ABHD14A: variants seen among roughly 807,000 people sequenced by gnomAD.
ABHD14A encodes protein ABHD14A.
ABHD14A carries 19 observed loss-of-function variants against 27.0 expected under a neutral mutation model. The ratio of observed to expected loss-of-function variants is 0.70; its 90% CI spans 0.49 to 1.03. The LOEUF (loss-of-function observed/expected upper bound fraction) is 1.03. ABHD14A is among the 50% of genes least tolerant of loss of function. ABHD14A has a pLI of 0.00. For synonymous variants in ABHD14A, 148 were observed against 158.8 expected (o/e 0.93, Z 0.51); for missense variants, 311 against 344.6 (o/e 0.90, Z 0.77).
At chr3:51,979,454 GTTTT>G (rs1013771288) in intron 3 of ABHD14A, among the ~76,000 whole-genome samples, 43 of 136,688 alleles carry the variant, frequency 3.1e-4, no homozygotes, top group Non-Finnish European at 6.1e-4. Flanking sequence ...GTTGTGTTTT[GTTTT>G]TTTTTTGTTT....
At chr3:51,975,239 C>T in intron 1 of ABHD14A, 35 bp downstream of exon 1, 1 of 1,248,268 alleles carries the variant, frequency 8.0e-7, no homozygotes, top group African/African-American at 1.6e-5. Context: ...CGGCCGGTGG[C>T]CCAGGGGAGG....
At chr3:51,975,288 C>T in intron 1 of ABHD14A, 84 bp downstream of exon 1, 2 of 1,191,850 alleles carry the variant, frequency 1.7e-6, no homozygotes, top group Non-Finnish European at 2.1e-6. Context: ...CGCCCCGGGG[C>T]AGAGTCCCGC....
intron 3 of ABHD14A, 77 bp from the exon 4 acceptor site, chr3:51,980,316 T>C: frequency 6.4e-6 from 9 of 1,409,708 alleles, no homozygotes; most frequent in Non-Finnish European, 8.0e-6. Flanking sequence ...TCCCCAACTT[T>C]TTCCCCCACT....
At chr3:51,976,731 G>A (rs970984121) in intron 1 of ABHD14A, among the ~76,000 whole-genome samples, 4 of 152,134 alleles carry the variant, frequency 2.6e-5, no homozygotes, top group Admixed American at 6.5e-5. Context: ...GGAAGCAGGC[G>A]TGCTCATCCT....
In ABHD14A at chr3:51,975,597, G is replaced by A. The variant is rs763654442; in HGVS notation, c.69+393G>A. Among the ~76,000 whole-genome samples the A allele has an allele frequency of 6.9e-4, 104 of 151,820 alleles. 1 individual carries two copies. The highest frequency in any genetic ancestry group is 3.9e-4 in the East Asian group (2 of 5,178). ...TTTCTGGGGGTTTGTGTGTGTGTGC[G>A]TGTCTGCTTTCCTGTGCATGTGCCT... On this transcript the variant is annotated intron_variant, in intron 1 of 4. Coordinates refer to ENST00000273596, the MANE Select transcript of ABHD14A (RefSeq NM_015407.5).
At chr3:51,975,320 C>G (rs1024843773) in intron 1 of ABHD14A, 116 bp downstream of exon 1, 95 of 997,734 alleles carry the variant, frequency 9.5e-5, no homozygotes, top group Non-Finnish European at 1.2e-4. Context: ...ACGCTGGGGC[C>G]GCGAATGTGC....
rs763160908 is a variant in ABHD14A, at chr3:51,981,020, C to G, written c.*2C>G. On this transcript the variant is annotated 3_prime_UTR_variant, in exon 5 of 5. Coordinates refer to ENST00000273596, the MANE Select transcript of ABHD14A (RefSeq NM_015407.5). Reference sequence around the variant, plus strand: ...GCCTTCCTTGACCATCTACCTTGAACTAACCCACTCCCAGCTCCCAGCCTG... The same window carrying G: ...GCCTTCCTTGACCATCTACCTTGAAGTAACCCACTCCCAGCTCCCAGCCTG... 3.7e-6 allele frequency: 6 copies of G among 1,603,548 alleles called. No homozygotes were observed. Among genetic ancestry groups the G allele is most frequent in the Non-Finnish European group, 5.1e-6 (6 of 1,171,072 alleles).
intron 1 of ABHD14A, among the ~76,000 whole-genome samples, 158 bp from the exon 2 acceptor site, chr3:51,977,713 T>A (rs570983985): frequency 6.6e-6 from 1 of 152,376 alleles, no homozygotes; most frequent in Non-Finnish European, 1.5e-5. Context: ...TGTGGAGTAG[T>A]TGAGTGTGAA....
At chr3:51,978,449 A>G in intron 3 of ABHD14A, 75 bp downstream of exon 3, 1 of 1,086,698 alleles carries the variant, frequency 9.2e-7, no homozygotes, top group South Asian at 1.5e-5. Flanking sequence ...GGGTCTGGAC[A>G]GGCCGTGGCA....
chr3:51,977,492 C>A (rs1469924755), intron 1 of ABHD14A, among the ~76,000 whole-genome samples: 1 of 152,146 alleles, frequency 6.6e-6, no homozygotes, highest in Non-Finnish European at 1.5e-5. Context: ...TATAAGAGAC[C>A]TATAATCACG....
chr3:51,975,644 T>C (rs1033303491), intron 1 of ABHD14A, among the ~76,000 whole-genome samples: 2 of 152,100 alleles, frequency 1.3e-5, no homozygotes, highest in African/African-American at 4.8e-5. Context: ...ATGTGTAGTC[T>C]TACGGTTGTG....
In ABHD14A at chr3:51,977,980, C is replaced by T; in HGVS notation, c.179C>T (p.Ser60Phe). The change falls in exon 2 of 5, where the codon TCC becomes TTC. Residue 60 changes from serine to phenylalanine, a missense_variant. Transcript: ENST00000273596. ...CTGCCAGGCCCCCCTGAGCAGACTT[C>T]CTGCCTCTGGGGAGACCCCAATGTC... ...VGLPGPPEQTSCLWGDPNVTV... is the reference protein window; with the variant it reads ...VGLPGPPEQTFCLWGDPNVTV... The T allele has an allele frequency of 6.2e-7, 1 of 1,614,130 alleles. No homozygotes were observed. Among genetic ancestry groups the T allele is most frequent in the Non-Finnish European group, 8.5e-7 (1 of 1,180,038 alleles).
Position 51,978,304 on chromosome 3 carries a change from G to A in ABHD14A, c.327G>A (p.Thr109=), listed in dbSNP as rs41292350. The A allele has an allele frequency of 0.028, 43,151 of 1,551,808 alleles. 703 individuals are homozygous for A. Among genetic ancestry groups the A allele is most frequent in the Non-Finnish European group, 0.034 (38,985 of 1,146,980 alleles). The change falls in exon 3 of 5, where the codon ACG becomes ACA. Residue 109 remains threonine, a synonymous_variant. Transcript: ENST00000273596. ...ATGGAAAGGCCTTTAACTCTCACAC[G>A]TGGGAGCAGCTGGGCACACTGCAGC... is the stretch of plus-strand genomic sequence containing the variant. ...LLHGKAFNSH[T]WEQLGTLQLL... is the part of the protein sequence containing the mutation.
chr3:51,978,993 G>A (rs887073017), intron 3 of ABHD14A: 10 of 263,616 alleles, frequency 3.8e-5, no homozygotes, highest in Middle Eastern at 1.3e-3. Flanking sequence ...AAAAAATGTC[G>A]AGTCATAGAG....
intron 1 of ABHD14A, among the ~76,000 whole-genome samples, chr3:51,977,141 A>C (rs1162098894): frequency 6.6e-6 from 1 of 152,198 alleles, no homozygotes; most frequent in Non-Finnish European, 1.5e-5. Context: ...GAGCCTCTTC[A>C]TAACAGCTGG....
intron 1 of ABHD14A, among the ~76,000 whole-genome samples, chr3:51,977,056 G>A (rs1192658614): frequency 1.3e-5 from 2 of 152,052 alleles, no homozygotes; most frequent in African/African-American, 4.8e-5. Flanking sequence ...TTCATTTCTG[G>A]GTGTACCATG....
chr3:51,978,052 G>T lies in ABHD14A; in HGVS notation c.251G>T (p.Arg84Leu), dbSNP rs757493149. ...CCTGGCAACTCGCCCATCTTTTACCGCGAGGTGCTCCCACTCAACCAGGCA... is the reference window on the plus strand; with the variant it reads ...CCTGGCAACTCGCCCATCTTTTACCTCGAGGTGCTCCCACTCAACCAGGCA... ...LTPGNSPIFY[R>L]EVLPLNQAHR... is the part of the protein sequence containing the mutation. The change falls in exon 2 of 5, where the codon CGC (arginine) becomes CTC (leucine). Residue 84 changes from arginine (R) to leucine (L), a missense_variant. Coordinates refer to ENST00000273596, the MANE Select transcript of ABHD14A (RefSeq NM_015407.5). 2 of 1,613,858 alleles carry T rather than the reference G, an allele frequency of 1.2e-6. No individual in the cohort carries two copies. Among genetic ancestry groups the T allele is most frequent in the African/African-American group, 2.7e-5 (2 of 74,934 alleles).
rs956020258 is a variant in ABHD14A, at chr3:51,980,437, G to C, written c.442G>C (p.Gly148Arg). The change falls in exon 4 of 5, where the codon GGG becomes CGG. Residue 148 changes from glycine to arginine, a missense_variant. Physicochemically the swap from Gly to Arg is moderately radical, Grantham distance 125. Coordinates refer to ENST00000273596, the MANE Select transcript of ABHD14A (RefSeq NM_015407.5). ...APSKEASTEA[G>R]RAALLERALR... ...TTCAAAGGAGGCAAGCACAGAGGCA[G>C]GGCGGGCAGCGCTGCTGGAGCGGGC... is the stretch of plus-strand genomic sequence containing the variant. 20 of 1,613,496 alleles carry C rather than the reference G, an allele frequency of 1.2e-5. No homozygotes were observed. Among genetic ancestry groups the C allele is most frequent in the Non-Finnish European group, 1.5e-5 (18 of 1,180,016 alleles).
intron 3 of ABHD14A, chr3:51,978,933 T>C: frequency 3.1e-6 from 1 of 324,472 alleles, no homozygotes; most frequent in Non-Finnish European, 6.7e-6. Flanking sequence ...GGTTTTGTGT[T>C]TTTAAGTACA....
Sources: gnomAD v4.1 joint callset for allele counts (sites outside exome capture counted in the v4.1 genomes callset) on GRCh38, gnomAD v4.1.1 for gene constraint, MANE v1.5 for transcripts, NCBI Gene and HGNC (gene_info 2026-07-23, HGNC 2026-07-21) for gene names.